BRINP3: variants seen among roughly 807,000 people sequenced by gnomAD.
BRINP3 encodes BMP/retinoic acid-inducible neural-specific protein 3.
Under a neutral mutation model 71.0 loss-of-function variants are expected in BRINP3, and 19 were observed. The ratio of observed to expected loss-of-function variants is 0.27; its 90% CI spans 0.19 to 0.39. The LOEUF (loss-of-function observed/expected upper bound fraction) is 0.39. BRINP3 is among the 10% of genes least tolerant of loss of function. The pLI, the probability that BRINP3 is intolerant of heterozygous loss-of-function variation, is 1.00. For missense variants in BRINP3, 959 were observed against 940.8 expected (o/e 1.02, Z -0.25); for synonymous variants, 380 against 337.7 (o/e 1.13, Z -1.37).
At chr1:190,233,452 A>T (rs1658201345) in intron 5 of BRINP3, among the ~76,000 whole-genome samples, 1 of 152,140 alleles carries the variant, frequency 6.6e-6, no homozygotes, top group African/African-American at 2.4e-5. Flanking sequence ...AAGGGTTAGG[A>T]TTGCAGGCAT....
intron 2 of BRINP3, among the ~76,000 whole-genome samples, chr1:190,398,619 T>TC (rs887119146): frequency 3.2e-4 from 48 of 152,040 alleles, no homozygotes; most frequent in African/African-American, 1.2e-3. Context: ...AAGAAAATTT[T>TC]CTCTAAAAAT....
chr1:190,399,890 C>G (rs1671816030), intron 2 of BRINP3, among the ~76,000 whole-genome samples: 1 of 151,970 alleles, frequency 6.6e-6, no homozygotes, highest in South Asian at 2.1e-4. Context: ...ACTGAAGCTC[C>G]AATCTATTTA....
Position 190,442,645 on chromosome 1 carries a change from G to A in BRINP3, c.236+12010C>T, listed in dbSNP as rs547176935. 1.4e-4 allele frequency among the ~76,000 whole-genome samples: 22 copies of A among 152,152 alleles called. No homozygotes were observed. In the South Asian group the frequency reaches 1.5e-3, roughly 10 times the overall value. ...AATTGGATTTAAATAAAACAAGTAA[G>A]GTACTTACGTGTGTGTGTGTGATTA... On this transcript the variant is annotated intron_variant, in intron 2 of 7. Coordinates refer to ENST00000367462, the MANE Select transcript of BRINP3 (RefSeq NM_199051.3).
chr1:190,127,390 G>T (rs1398328659), intron 7 of BRINP3, among the ~76,000 whole-genome samples: 3 of 151,718 alleles, frequency 2.0e-5, no homozygotes, highest in African/African-American at 7.2e-5. Context: ...ACAACATATT[G>T]GCCTATTTAA....
chr1:190,440,214 T>C (rs1674724564), intron 2 of BRINP3, among the ~76,000 whole-genome samples: 1 of 151,948 alleles, frequency 6.6e-6, no homozygotes, highest in South Asian at 2.1e-4. Context: ...ATATGTTTTA[T>C]TCATGTCTCT....
At chr1:190,251,742 G>T (rs549861418) in intron 4 of BRINP3, among the ~76,000 whole-genome samples, 1 of 151,658 alleles carries the variant, frequency 6.6e-6, no homozygotes, top group African/African-American at 2.4e-5. Flanking sequence ...GGAGTAGAAT[G>T]CAAAGATGTT....
intron 7 of BRINP3, among the ~76,000 whole-genome samples, chr1:190,131,324 G>A (rs1308724911): frequency 2.6e-5 from 4 of 151,842 alleles, no homozygotes; most frequent in Admixed American, 2.0e-4. Flanking sequence ...GAGTTAAAAT[G>A]TTGAGATTAA....
chr1:190,199,352 C>G (rs998545995), intron 6 of BRINP3, among the ~76,000 whole-genome samples: 1 of 152,008 alleles, frequency 6.6e-6, no homozygotes, highest in Non-Finnish European at 1.5e-5. Flanking sequence ...TCCATTTTTC[C>G]TGGAGGTACA....
intron 2 of BRINP3, chr1:190,362,373 T>C (rs1306691039): frequency 3.9e-5 from 6 of 152,218 alleles, no homozygotes; most frequent in South Asian, 4.1e-4. Context: ...ATTTTGGGAA[T>C]AAAAAGAAAA....
intron 4 of BRINP3, among the ~76,000 whole-genome samples, chr1:190,252,814 G>A (rs1660268999): frequency 1.3e-5 from 2 of 151,642 alleles, no homozygotes. Flanking sequence ...TAACTTCTAG[G>A]GTACATGTGC....
intron 2 of BRINP3, among the ~76,000 whole-genome samples, chr1:190,393,010 T>C (rs1008866366): frequency 1.2e-4 from 18 of 151,590 alleles, no homozygotes; most frequent in African/African-American, 2.2e-4. Flanking sequence ...CTGTGAAGAG[T>C]ATTTTGCCAA....
At chr1:190,458,900 T>A (rs193104432) in intron 1 of BRINP3, among the ~76,000 whole-genome samples, 2 of 151,988 alleles carry the variant, frequency 1.3e-5, no homozygotes, top group South Asian at 2.1e-4. Flanking sequence ...TGCACCATAT[T>A]TTCTGGACCA....
At chr1:190,452,685 G>A (rs1006796788) in intron 2 of BRINP3, among the ~76,000 whole-genome samples, 1 of 152,132 alleles carries the variant, frequency 6.6e-6, no homozygotes, top group East Asian at 1.9e-4. Context: ...ATGAAATCCC[G>A]TCTCTACCAA....
rs1444493019 is a variant in BRINP3 at position 190,256,896 on chromosome 1, C to A, written c.618+7969G>T. On this transcript the variant is annotated intron_variant, in intron 4 of 7. Coordinates refer to ENST00000367462, the MANE Select transcript of BRINP3 (RefSeq NM_199051.3). ...TGCTACCCTTTGTGGGTAACCCGAC[C>A]TTTCTCTCTGGCTGCCCTTATTATT... Among the ~76,000 whole-genome samples, 4 of 152,218 alleles carry A rather than the reference C, an allele frequency of 2.6e-5. No individual in the cohort carries two copies. In the East Asian group the frequency reaches 7.7e-4, roughly 29 times the overall value.
chr1:190,467,724 ATTAAT>A (rs1039978988), intron 1 of BRINP3, among the ~76,000 whole-genome samples: 6 of 151,596 alleles, frequency 4.0e-5, no homozygotes, highest in African/African-American at 1.4e-4. Context: ...TTGTCAATAC[ATTAAT>A]TTAACTTCTA....
In BRINP3 at chr1:190,193,289, T is replaced by A. The variant is rs184994786; in HGVS notation, c.962-32399A>T. On this transcript the variant is annotated intron_variant, in intron 6 of 7. Coordinates refer to ENST00000367462, the MANE Select transcript of BRINP3 (RefSeq NM_199051.3). ...AATTGACAAAGAACAAGATGATGTT[T>A]TAGAAGAGATGAGAGGTAATGTGTG... is the stretch of plus-strand genomic sequence containing the variant. Among the ~76,000 whole-genome samples, 36 of 152,114 alleles carry A rather than the reference T, an allele frequency of 2.4e-4. No individual in the cohort carries two copies. In the East Asian group the frequency reaches 5.8e-3, roughly 25 times the overall value.
At chr1:190,176,430 T>G (rs567487830) in intron 6 of BRINP3, among the ~76,000 whole-genome samples, 2 of 152,302 alleles carry the variant, frequency 1.3e-5, no homozygotes, top group African/African-American at 4.8e-5. Flanking sequence ...CATAACCCTT[T>G]GTAAAGGACA....
intron 2 of BRINP3, among the ~76,000 whole-genome samples, chr1:190,383,150 GCT>G (rs1398255839): frequency 3.3e-5 from 5 of 152,058 alleles, no homozygotes; most frequent in African/African-American, 9.7e-5. Flanking sequence ...CTAACTGGGT[GCT>G]TTGTATGAGA....
At chr1:190,384,353 C>A (rs1399322273) in intron 2 of BRINP3, among the ~76,000 whole-genome samples, 1 of 151,554 alleles carries the variant, frequency 6.6e-6, no homozygotes, top group African/African-American at 2.4e-5. Flanking sequence ...CTAGGAAAAT[C>A]AAACTGTAAT....
Sources: allele counts gnomAD v4.1 joint callset (sites outside exome capture counted in the v4.1 genomes callset), GRCh38; gene constraint gnomAD v4.1.1; transcripts MANE v1.5; gene names NCBI Gene and HGNC (gene_info 2026-07-23, HGNC 2026-07-21).